The following CRPPA variants were observed in gnomAD, a reference collection of about 807,000 sequenced individuals.
CRPPA encodes CDP-L-ribitol pyrophosphorylase A.
Under a neutral mutation model 52.0 loss-of-function variants are expected in CRPPA, and 43 were observed. The ratio of observed to expected loss-of-function variants is 0.83; its 90% CI spans 0.65 to 1.07. The LOEUF is 1.07. Among genes scored for constraint, CRPPA ranks in the 50% least tolerant of loss-of-function variants. The pLI, the probability that CRPPA is intolerant of heterozygous loss-of-function variation, is 0.00. For synonymous variants in CRPPA, 250 were observed against 203.5 expected (o/e 1.23, Z -1.94); for missense variants, 629 against 551.7 (o/e 1.14, Z -1.40).
chr7:16,246,238 C>G (rs1013601535), intron 8 of CRPPA, among the ~76,000 whole-genome samples: 5 of 152,188 alleles, frequency 3.3e-5, no homozygotes, highest in Non-Finnish European at 5.9e-5. Flanking sequence ...GATTCCATCT[C>G]AAGAAACCAC....
At chr7:16,201,211 T>C (rs1781846706) in intron 9 of CRPPA, among the ~76,000 whole-genome samples, 1 of 152,104 alleles carries the variant, frequency 6.6e-6, no homozygotes, top group South Asian at 2.1e-4. Flanking sequence ...TAAAAACATA[T>C]AAGCATTGTT....
rs1034664801 is a variant in CRPPA at position 16,091,633 on chromosome 7, C to T, written c.*62G>A. The T allele has an allele frequency of 7.1e-6, 6 of 847,748 alleles. No homozygotes were observed. The highest frequency in any genetic ancestry group is 1.7e-5 in the African/African-American group (1 of 58,008). 52.5% of individuals were successfully genotyped at this position (847,748 alleles called of 1,614,324 possible). On this transcript the variant is annotated 3_prime_UTR_variant, in exon 10 of 10. Coordinates refer to ENST00000407010, the MANE Select transcript of CRPPA (RefSeq NM_001101426.4). ...ATTCTACCACACACAGCAGCGGGGG[C>T]ACAAAGCACAATTAAGATACGCAAA...
chr7:16,355,962 T>C (rs1187506853), intron 3 of CRPPA, among the ~76,000 whole-genome samples: 1 of 152,176 alleles, frequency 6.6e-6, no homozygotes, highest in African/African-American at 2.4e-5. Context: ...ATCAGATGAT[T>C]TGATCGGTGA....
intron 4 of CRPPA, among the ~76,000 whole-genome samples, chr7:16,307,434 C>A (rs1187692332): frequency 6.6e-6 from 1 of 152,002 alleles, no homozygotes. Flanking sequence ...GTAATCCCAG[C>A]ACTTTGGGAG....
In CRPPA at chr7:16,421,406, C is replaced by T. The variant is rs758434373; in HGVS notation, c.-84G>A. 3.4e-6 allele frequency: 4 copies of T among 1,185,436 alleles called. No individual in the cohort carries two copies. The highest frequency in any genetic ancestry group is 4.2e-6 in the Non-Finnish European group (4 of 952,074). 73.4% of individuals were successfully genotyped at this position (1,185,436 alleles called of 1,614,324 possible). On this transcript the variant is annotated 5_prime_UTR_variant, in exon 1 of 10. Transcript: ENST00000407010. ...CCCACCCTCGGCCGGGGTCGCGGGG[C>T]GAAGGGCAGACCACGGAGAGGGACG...
intron 2 of CRPPA, among the ~76,000 whole-genome samples, chr7:16,389,911 T>TCCAAAAAAAAAAAAAAA (rs1562673584): frequency 3.2e-4 from 1 of 3,150 alleles, no homozygotes; most frequent in African/African-American, 2.5e-3. Context: ...AAGCCTAGTA[T>TCCAAAAAAAAAAAAAAA]ACAAAAAAAA....
rs553699458 is a variant in CRPPA at position 16,403,634 on chromosome 7, T to G, written c.534+2427A>C. On this transcript the variant is annotated intron_variant, in intron 2 of 9. Coordinates refer to ENST00000407010, the MANE Select transcript of CRPPA (RefSeq NM_001101426.4). ...AGTTAAAAGCAGGCCTGGAAAACAG[T>G]CTGAACGGTGTGTGACTGCATTTAT... 3.3e-5 allele frequency among the ~76,000 whole-genome samples: 5 copies of G among 152,196 alleles called. No individual in the cohort carries two copies. In the South Asian group the frequency reaches 1.0e-3, roughly 32 times the overall value.
chr7:16,288,874 CA>C (rs1784502777), intron 5 of CRPPA, among the ~76,000 whole-genome samples: 1 of 122,234 alleles, frequency 8.2e-6, no homozygotes, highest in Non-Finnish European at 1.8e-5. Flanking sequence ...AAAAAATCCC[CA>C]AAAACAAAAA....
chr7:16,165,004 G>A (rs1408181076), intron 9 of CRPPA, among the ~76,000 whole-genome samples: 1 of 152,016 alleles, frequency 6.6e-6, no homozygotes, highest in African/African-American at 2.4e-5. Context: ...GAGGCAGTCT[G>A]TCCCTTAGCA....
In CRPPA at chr7:16,406,348, A is replaced by C. The variant is rs780492920; in HGVS notation, c.258-11T>G. ...TTTATCCAACATACTCTAAAAGGAA[A>C]GTATATGTACAATTCGTAAATTAAT... On this transcript the variant is annotated splice_polypyrimidine_tract_variant and intron_variant, in intron 1 of 9. Coordinates refer to ENST00000407010, the MANE Select transcript of CRPPA (RefSeq NM_001101426.4). 1.3e-5 allele frequency: 21 copies of C among 1,609,798 alleles called. No homozygotes were observed. The highest frequency in any genetic ancestry group is 1.3e-5 in the Non-Finnish European group (15 of 1,176,798).
chr7:16,396,897 C>T (rs1370777539), intron 2 of CRPPA, among the ~76,000 whole-genome samples: 1 of 152,170 alleles, frequency 6.6e-6, no homozygotes, highest in Non-Finnish European at 1.5e-5. Context: ...AAAAATGTGA[C>T]ACATGTGTGA....
rs1204550540 is a variant in CRPPA, at chr7:16,089,637, T to A, written c.*2058A>T. 1 of 201,236 alleles carries A rather than the reference T, an allele frequency of 5.0e-6. No individual in the cohort carries two copies. Among genetic ancestry groups the A allele is most frequent in the Non-Finnish European group, 1.1e-5 (1 of 92,346 alleles). 12.5% of individuals were successfully genotyped at this position (201,236 alleles called of 1,614,324 possible). On this transcript the variant is annotated 3_prime_UTR_variant, in exon 10 of 10. Coordinates refer to ENST00000407010, the MANE Select transcript of CRPPA (RefSeq NM_001101426.4). ...CATACATGTATATGTATGTATGTAT[T>A]TTTTTTTCCCAATGCTGTGAATTGC...
chr7:16,309,916 T>C (rs374138851), intron 3 of CRPPA, among the ~76,000 whole-genome samples: 31 of 152,262 alleles, frequency 2.0e-4, no homozygotes, highest in African/African-American at 7.5e-4. Flanking sequence ...TCTCATTAGA[T>C]GTATATTCTA....
At chr7:16,240,305 C>T (rs1354102876) in intron 8 of CRPPA, among the ~76,000 whole-genome samples, 1 of 151,502 alleles carries the variant, frequency 6.6e-6, no homozygotes, top group African/African-American at 2.4e-5. Flanking sequence ...AGACTTACTA[C>T]ATCAGCAGAA....
At chr7:16,135,965 T>C (rs1031982463) in intron 9 of CRPPA, among the ~76,000 whole-genome samples, 1 of 152,182 alleles carries the variant, frequency 6.6e-6, no homozygotes, top group African/African-American at 2.4e-5. Context: ...AGATGGAAGA[T>C]TCACATCTTC....
intron 3 of CRPPA, among the ~76,000 whole-genome samples, chr7:16,340,809 T>C (rs1399977482): frequency 6.6e-6 from 1 of 152,118 alleles, no homozygotes; most frequent in Non-Finnish European, 1.5e-5. Context: ...TGCACAGATA[T>C]TTACAGCAGT....
At chr7:16,203,997 A>C (rs1278879795) in intron 9 of CRPPA, among the ~76,000 whole-genome samples, 1 of 152,192 alleles carries the variant, frequency 6.6e-6, no homozygotes, top group African/African-American at 2.4e-5. Context: ...CAAAATTTTA[A>C]GGATACTGGT....
intron 6 of CRPPA, among the ~76,000 whole-genome samples, chr7:16,273,891 C>T (rs903329359): frequency 3.3e-5 from 5 of 152,190 alleles, no homozygotes; most frequent in Middle Eastern, 3.2e-3. Flanking sequence ...TGTACCTGCT[C>T]ACCTGCATGC....
At chr7:16,118,426 C>T (rs1393022039) in intron 9 of CRPPA, among the ~76,000 whole-genome samples, 1 of 152,138 alleles carries the variant, frequency 6.6e-6, no homozygotes, top group African/African-American at 2.4e-5. Flanking sequence ...AGACAAGGAG[C>T]CAGAAAACAT....
Sources: gnomAD v4.1 joint callset for allele counts (sites outside exome capture counted in the v4.1 genomes callset) on GRCh38, gnomAD v4.1.1 for gene constraint, MANE v1.5 for transcripts, NCBI Gene and HGNC (gene_info 2026-07-23, HGNC 2026-07-21) for gene names.